FAM168A: variants seen among roughly 807,000 people sequenced by gnomAD.
FAM168A encodes protein FAM168A.
A neutral mutation model predicts 28.5 loss-of-function variants in FAM168A; 3 were observed. That is an observed-to-expected ratio of 0.11 (90% confidence interval 0.05 to 0.27). The LOEUF is 0.27. FAM168A is among the 10% of genes least tolerant of loss of function. The pLI is 1.00. For missense variants in FAM168A, 222 were observed against 311.5 expected (o/e 0.71, Z 2.16); for synonymous variants, 122 against 124.2 (o/e 0.98, Z 0.12).
chr11:73,591,747 C>T (rs538846688), intron 1 of FAM168A, among the ~76,000 whole-genome samples: 18 of 152,168 alleles, frequency 1.2e-4, no homozygotes, highest in Non-Finnish European at 2.1e-4. Context: ...TGGGCTCAAG[C>T]GATCTTCCCA....
intron 1 of FAM168A, among the ~76,000 whole-genome samples, chr11:73,516,222 G>A (rs528848277): frequency 6.6e-6 from 1 of 152,128 alleles, no homozygotes; most frequent in South Asian, 2.1e-4. Flanking sequence ...TAATATAAAA[G>A]GCTTGTAGTC....
chr11:73,548,826 G>A (rs574559262), intron 1 of FAM168A, among the ~76,000 whole-genome samples: 42 of 151,916 alleles, frequency 2.8e-4, no homozygotes, highest in Non-Finnish European at 5.4e-4. Flanking sequence ...TGTAAAGGTG[G>A]GGTCTCCCTA....
At chr11:73,497,570 A>G (rs1854918119) in intron 1 of FAM168A, among the ~76,000 whole-genome samples, 1 of 152,218 alleles carries the variant, frequency 6.6e-6, no homozygotes, top group African/African-American at 2.4e-5. Flanking sequence ...TAAGTACTTG[A>G]TATGTGGCTA....
chr11:73,574,997 A>G (rs1944154872), intron 1 of FAM168A, among the ~76,000 whole-genome samples: 1 of 152,162 alleles, frequency 6.6e-6, no homozygotes, highest in South Asian at 2.1e-4. Context: ...ACCCCACCAC[A>G]TACATTAACC....
intron 1 of FAM168A, chr11:73,510,764 G>A (rs938696010): frequency 5.3e-6 from 2 of 377,224 alleles, no homozygotes; most frequent in Non-Finnish European, 9.4e-6. Flanking sequence ...ATATCAATTG[G>A]CTTCCTAGGG....
At chr11:73,422,971 G>A (rs1283521406) in intron 3 of FAM168A, among the ~76,000 whole-genome samples, 2 of 152,202 alleles carry the variant, frequency 1.3e-5, no homozygotes, top group African/African-American at 4.8e-5. Context: ...CCATCATCCT[G>A]AACAATGTAC....
rs553310172 is a variant in FAM168A, at chr11:73,407,590, T to C, written c.649A>G (p.Met217Val). Reference protein sequence around the residue: ...HTAIGAHPVSMPTYRAQGTPA... With the variant: ...HTAIGAHPVSVPTYRAQGTPA... ...GTTCCTTGGGCCCTATATGTTGGCATGGAGACAGGGTGTGCCCCAATCGCC... is the reference window on the plus strand; with the variant it reads ...GTTCCTTGGGCCCTATATGTTGGCACGGAGACAGGGTGTGCCCCAATCGCC... Residue 217 changes from methionine to valine, a missense_variant, in exon 7 of 8, where the codon ATG (methionine) becomes GTG (valine). Coordinates refer to ENST00000356467, the MANE Select transcript of FAM168A (RefSeq NM_015159.3). 6.2e-7 allele frequency: 1 copy of C among 1,609,690 alleles called. No homozygotes were observed. The highest frequency in any genetic ancestry group is 1.3e-5 in the African/African-American group (1 of 74,686).
chr11:73,579,760 A>G (rs1227539829), intron 1 of FAM168A, among the ~76,000 whole-genome samples: 1 of 152,278 alleles, frequency 6.6e-6, no homozygotes, highest in Non-Finnish European at 1.5e-5. Context: ...GGAGAAAATG[A>G]AACTCTGAAA....
At chr11:73,415,031 G>A (rs1866673962) in intron 4 of FAM168A, among the ~76,000 whole-genome samples, 1 of 152,224 alleles carries the variant, frequency 6.6e-6, no homozygotes, top group Non-Finnish European at 1.5e-5. Context: ...ACAAAGTGGT[G>A]AGACTATCCC....
At chr11:73,575,272 T>C (rs1056313051) in intron 1 of FAM168A, among the ~76,000 whole-genome samples, 1 of 152,222 alleles carries the variant, frequency 6.6e-6, no homozygotes, top group Non-Finnish European at 1.5e-5. Flanking sequence ...ATTCCATGTA[T>C]GTTACTGCTG....
chr11:73,488,366 G>C (rs1369641237), intron 1 of FAM168A, among the ~76,000 whole-genome samples: 1 of 151,846 alleles, frequency 6.6e-6, no homozygotes, highest in African/African-American at 2.4e-5. Flanking sequence ...CCTGACCTCA[G>C]GCGATTTGCC....
At chr11:73,470,258 G>A (rs1867795069) in intron 1 of FAM168A, among the ~76,000 whole-genome samples, 1 of 152,162 alleles carries the variant, frequency 6.6e-6, no homozygotes, top group Non-Finnish European at 1.5e-5. Context: ...ACATGCAAAT[G>A]TAAACAATGA....
At chr11:73,553,220 T>C (rs1565295640) in intron 1 of FAM168A, among the ~76,000 whole-genome samples, 1 of 151,832 alleles carries the variant, frequency 6.6e-6, no homozygotes, top group Non-Finnish European at 1.5e-5. Context: ...TAATTCTAGA[T>C]TTTTTTTCAA....
At chr11:73,460,052 T>G (rs999340900) in intron 2 of FAM168A, among the ~76,000 whole-genome samples, 4 of 151,990 alleles carry the variant, frequency 2.6e-5, no homozygotes, top group African/African-American at 7.3e-5. Flanking sequence ...GGCTAATTTT[T>G]TGTATTTTTA....
intron 1 of FAM168A, among the ~76,000 whole-genome samples, chr11:73,487,106 G>C (rs1339240897): frequency 6.6e-6 from 1 of 151,976 alleles, no homozygotes; most frequent in Non-Finnish European, 1.5e-5. Flanking sequence ...TTTTTTGTTT[G>C]CTTTTTTCCT....
intron 5 of FAM168A, among the ~76,000 whole-genome samples, chr11:73,409,883 G>A (rs1397368941): frequency 6.6e-6 from 1 of 152,132 alleles, no homozygotes; most frequent in African/African-American, 2.4e-5. Context: ...ATGATCTAAT[G>A]GGATAAGAGC....
At chr11:73,515,540 A>G (rs993303010) in intron 1 of FAM168A, among the ~76,000 whole-genome samples, 6 of 151,408 alleles carry the variant, frequency 4.0e-5, no homozygotes, top group South Asian at 4.2e-4. Flanking sequence ...AGAAACAACT[A>G]TCTATTAATT....
intron 1 of FAM168A, among the ~76,000 whole-genome samples, chr11:73,481,770 C>T (rs564788168): frequency 3.5e-4 from 53 of 152,292 alleles, no homozygotes; most frequent in Middle Eastern, 6.8e-3. Context: ...ATGGCATCTG[C>T]TATGGTCTAA....
At chr11:73,507,337 T>C (rs2134632423) in intron 1 of FAM168A, among the ~76,000 whole-genome samples, 1 of 152,296 alleles carries the variant, frequency 6.6e-6, no homozygotes, top group East Asian at 1.9e-4. Context: ...GTGAAGTGGT[T>C]CATCTTATTA....
Sources: gnomAD v4.1 joint callset for allele counts (sites outside exome capture counted in the v4.1 genomes callset) on GRCh38, gnomAD v4.1.1 for gene constraint, MANE v1.5 for transcripts, NCBI Gene and HGNC (gene_info 2026-07-23, HGNC 2026-07-21) for gene names.